FAT3: variants seen among roughly 807,000 people sequenced by gnomAD.
FAT3 encodes protocadherin Fat 3.
In FAT3, 95 loss-of-function variants were observed where a neutral mutation model predicts 310.2. The ratio of observed to expected loss-of-function variants is 0.31; its 90% CI spans 0.26 to 0.36. The LOEUF is 0.36. Ranked by LOEUF, FAT3 falls within the 10% of genes least tolerant of loss-of-function variation. FAT3 has a pLI of 1.00. For missense variants in FAT3, 5,408 were observed against 5,715.6 expected (o/e 0.95, Z 1.74); for synonymous variants, 2,314 against 2,192.9 (o/e 1.06, Z -1.54).
chr11:92,848,978 A>C (rs2136302521), intron 19 of FAT3, among the ~76,000 whole-genome samples: 1 of 152,370 alleles, frequency 6.6e-6, no homozygotes, highest in South Asian at 2.1e-4. Flanking sequence ...GCACGGATCG[A>C]GGTACGGACA....
At chr11:92,819,355 C>T (rs1312658766) in intron 13 of FAT3, among the ~76,000 whole-genome samples, 1 of 152,146 alleles carries the variant, frequency 6.6e-6, no homozygotes, top group Non-Finnish European at 1.5e-5. Flanking sequence ...GCATAAGAGC[C>T]ACCTCGAGGG....
intron 1 of FAT3, among the ~76,000 whole-genome samples, chr11:92,320,074 T>A (rs1174991437): frequency 5.9e-5 from 9 of 152,170 alleles, no homozygotes; most frequent in Non-Finnish European, 1.5e-5. Flanking sequence ...AATCACAAAG[T>A]CCTGGGCTCC....
At chr11:92,314,108 A>G (rs1947375933) in intron 1 of FAT3, among the ~76,000 whole-genome samples, 1 of 152,224 alleles carries the variant, frequency 6.6e-6, no homozygotes, top group African/African-American at 2.4e-5. Flanking sequence ...CTGCCTCAGA[A>G]AAACCATTTA....
chr11:92,728,238 T>G (rs1409031349), intron 4 of FAT3, among the ~76,000 whole-genome samples: 1 of 152,164 alleles, frequency 6.6e-6, no homozygotes, highest in Non-Finnish European at 1.5e-5. Flanking sequence ...TGTTTTCTGT[T>G]TTTTGTTTGT....
chr11:92,510,694 G>C (rs1953262104), intron 2 of FAT3, among the ~76,000 whole-genome samples: 1 of 152,224 alleles, frequency 6.6e-6, no homozygotes, highest in Non-Finnish European at 1.5e-5. Flanking sequence ...GTCCCAAACA[G>C]ACAAGGAGAG....
chr11:92,685,710 G>C (rs1289246253), intron 3 of FAT3, among the ~76,000 whole-genome samples: 3 of 151,826 alleles, frequency 2.0e-5, no homozygotes, highest in Non-Finnish European at 2.9e-5. Context: ...TGAGTAGCCT[G>C]GGCTCTTAAA....
chr11:92,636,837 G>C (rs187958035), intron 3 of FAT3, among the ~76,000 whole-genome samples: 1 of 152,310 alleles, frequency 6.6e-6, no homozygotes, highest in African/African-American at 2.4e-5. Context: ...CCTCAGCTGT[G>C]TCATTTTTCA....
chr11:92,670,837 A>G (rs924196660), intron 3 of FAT3, among the ~76,000 whole-genome samples: 1 of 152,208 alleles, frequency 6.6e-6, no homozygotes, highest in Non-Finnish European at 1.5e-5. Flanking sequence ...GCTGGAGCTT[A>G]TTCACAGGCT....
At chr11:92,700,118 A>G (rs1944053618) in intron 4 of FAT3, among the ~76,000 whole-genome samples, 2 of 152,198 alleles carry the variant, frequency 1.3e-5, no homozygotes, top group Admixed American at 1.3e-4. Context: ...AGCCACTAAA[A>G]GAAAGTTCCA....
chr11:92,753,888 A>C (rs60179683), intron 4 of FAT3, among the ~76,000 whole-genome samples: 1 of 151,544 alleles, frequency 6.6e-6, no homozygotes, highest in Admixed American at 6.6e-5. Context: ...TTCTAAGTAA[A>C]GTAACTCAGG....
In FAT3 at chr11:92,800,160, T is replaced by A; in HGVS notation, c.7147T>A (p.Tyr2383Asn). ...GAGCAGTGAGGTTCTCGTTCATATC[T>A]ACATCTCTGATGTAAATGACAACCC... ...SLSSEVLVHI[Y>N]ISDVNDNPPV... is the part of the protein sequence containing the mutation. The change falls in exon 10 of 28, where the codon TAC becomes AAC. Residue 2383 changes from tyrosine to asparagine, a missense_variant. Transcript: ENST00000525166. The A allele has an allele frequency of 6.2e-7, 1 of 1,613,990 alleles. No individual in the cohort carries two copies. Among genetic ancestry groups the A allele is most frequent in the Non-Finnish European group, 8.5e-7 (1 of 1,179,862 alleles).
At chr11:92,698,313 A>T (rs1448901927) in intron 4 of FAT3, among the ~76,000 whole-genome samples, 1 of 152,156 alleles carries the variant, frequency 6.6e-6, no homozygotes, top group African/African-American at 2.4e-5. Flanking sequence ...TTCAAATCTG[A>T]TGATAGAATC....
At chr11:92,533,762 G>A (rs1008833440) in intron 3 of FAT3, among the ~76,000 whole-genome samples, 3 of 152,094 alleles carry the variant, frequency 2.0e-5, no homozygotes, top group Non-Finnish European at 2.9e-5. Flanking sequence ...GTTCCATGCT[G>A]CTTCATGTCC....
intron 2 of FAT3, among the ~76,000 whole-genome samples, chr11:92,411,443 A>G (rs1030494251): frequency 1.2e-4 from 18 of 151,914 alleles, no homozygotes; most frequent in African/African-American, 4.4e-4. Flanking sequence ...TGTCTAGTTC[A>G]TTGCTTCTGA....
At chr11:92,675,083 A>T (rs1374454064) in intron 3 of FAT3, among the ~76,000 whole-genome samples, 1 of 152,254 alleles carries the variant, frequency 6.6e-6, no homozygotes, top group Non-Finnish European at 1.5e-5. Context: ...TGCCCTGAGG[A>T]TTCATTTCCT....
chr11:92,375,370 G>T (rs1470744518), intron 2 of FAT3, among the ~76,000 whole-genome samples: 1 of 152,054 alleles, frequency 6.6e-6, no homozygotes, highest in Non-Finnish European at 1.5e-5. Context: ...TGAACTCCTA[G>T]GCTCAAGCTC....
At chr11:92,355,777 G>T (rs1316623988) in intron 2 of FAT3, among the ~76,000 whole-genome samples, 1 of 152,176 alleles carries the variant, frequency 6.6e-6, no homozygotes, top group Non-Finnish European at 1.5e-5. Flanking sequence ...CTTTAAGTTA[G>T]AAGTGTGAAA....
At chr11:92,232,237 G>C (rs1428385908) in intron 1 of FAT3, among the ~76,000 whole-genome samples, 1 of 151,994 alleles carries the variant, frequency 6.6e-6, no homozygotes, top group African/African-American at 2.4e-5. Flanking sequence ...GGATAGAATG[G>C]GGTGTGAATC....
At position 92,866,836 on chromosome 11, in the gene FAT3, C is replaced by T. The variant is rs761664527; in HGVS notation, c.11754C>T (p.His3918=). 8 of 1,613,824 alleles carry T rather than the reference C, an allele frequency of 5.0e-6. No homozygotes were observed. The South Asian group carries it at 5.5e-5, about 11-fold the overall frequency. The part of the protein sequence containing the change: ...SGRAVNDGSW[H]SVFLELNRNF... ...GTGCTGTCAACGACGGGAGCTGGCA[C>T]TCGGTCTTCCTGGAGCTCAACCGCA... The change falls in exon 22 of 28, where the codon CAC becomes CAT. Residue 3918 remains histidine (H), a synonymous_variant. Transcript: ENST00000525166.
Sources: gnomAD v4.1 joint callset for allele counts (sites outside exome capture counted in the v4.1 genomes callset) on GRCh38, gnomAD v4.1.1 for gene constraint, MANE v1.5 for transcripts, NCBI Gene and HGNC (gene_info 2026-07-23, HGNC 2026-07-21) for gene names.